The following NAALADL2 variants were observed in gnomAD, a reference collection of about 807,000 sequenced individuals.
The protein encoded by NAALADL2 is N-acetylated alpha-linked acidic dipeptidase like 2, also known as inactive N-acetylated-alpha-linked acidic dipeptidase-like protein 2.
Under a neutral mutation model 87.2 loss-of-function variants are expected in NAALADL2, and 76 were observed. That is an observed-to-expected ratio of 0.87 (90% CI 0.72 to 1.05). The LOEUF is 1.05. Among genes scored for constraint, NAALADL2 ranks in the 50% least tolerant of loss-of-function variants. The probability of loss-of-function intolerance (pLI) is 0.00; values close to 1 mark genes in which losing one functional copy is unlikely to be tolerated. For missense variants in NAALADL2, 1,089 were observed against 945.8 expected, an observed-to-expected ratio of 1.15 and a Z score of -1.99; for synonymous variants, 354 against 331.0, an observed-to-expected ratio of 1.07 and a Z score of -0.75.
chr3:174,914,622 G>C lies in NAALADL2; in HGVS notation c.43+55172G>C, dbSNP rs181349745. Among the ~76,000 whole-genome samples the C allele has an allele frequency of 2.9e-3, 445 of 152,130 alleles. 4 individuals are homozygous for C. Among genetic ancestry groups the C allele is most frequent in the Admixed American group, 0.027 (413 of 15,260 alleles). On this transcript the variant is annotated intron_variant, in intron 1 of 13. Coordinates refer to ENST00000454872, the MANE Select transcript of NAALADL2 (RefSeq NM_207015.3). The stretch of plus-strand genomic sequence containing the variant: ...CAGACATAATCTATCAGTTAGAACA[G>C]GTAGTAAATAAATGTACATTTTCTC...
intron 6 of NAALADL2, among the ~76,000 whole-genome samples, chr3:175,462,017 A>G (rs1462361766): frequency 6.6e-6 from 1 of 152,142 alleles, no homozygotes; most frequent in Non-Finnish European, 1.5e-5. Flanking sequence ...GTATGATACT[A>G]TCATGATGGA....
intron 11 of NAALADL2, among the ~76,000 whole-genome samples, chr3:175,736,137 T>C (rs1399563144): frequency 6.6e-6 from 1 of 152,226 alleles, no homozygotes. Context: ...TTGAGATGTG[T>C]ATGAATGCAT....
chr3:174,768,840 C>T (rs944758023), intron 3 of NAALADL2, among the ~76,000 whole-genome samples: 10 of 151,794 alleles, frequency 6.6e-5, no homozygotes, highest in African/African-American at 2.2e-4. Flanking sequence ...GAAGTGCTTG[C>T]TTGTATCTCT....
Position 175,221,471 on chromosome 3 carries a change from T to G in NAALADL2, c.546-12460T>G, listed in dbSNP as rs113188366. ...GTTATTGGGTATACTTTTCTGTATA[T>G]GTCAAATTGGTCGACTCATCTATTT... On this transcript the variant is annotated intron_variant, in intron 2 of 13. Coordinates refer to ENST00000454872, the MANE Select transcript of NAALADL2 (RefSeq NM_207015.3). 8.6e-3 allele frequency among the ~76,000 whole-genome samples: 1,314 copies of G among 152,242 alleles called. 19 individuals carry two copies. The highest frequency in any genetic ancestry group is 0.03 in the African/African-American group (1,255 of 41,554).
chr3:174,599,932 CAAAT>C (rs943002184), intron 2 of NAALADL2, among the ~76,000 whole-genome samples: 1 of 151,842 alleles, frequency 6.6e-6, no homozygotes, highest in African/African-American at 2.4e-5. Context: ...TTGAAGAAGA[CAAAT>C]AAGGAAAGAA....
At chr3:175,250,550 A>G (rs1748876211) in intron 3 of NAALADL2, among the ~76,000 whole-genome samples, 3 of 152,140 alleles carry the variant, frequency 2.0e-5, no homozygotes, top group Non-Finnish European at 4.4e-5. Flanking sequence ...CAACAAATTG[A>G]TTTGCTGTGT....
At chr3:174,796,724 G>C (rs1718141022) in intron 3 of NAALADL2, among the ~76,000 whole-genome samples, 1 of 151,790 alleles carries the variant, frequency 6.6e-6, no homozygotes, top group African/African-American at 2.4e-5. Context: ...ATTTTCCTTT[G>C]AGCATTTTTG....
At chr3:175,639,318 C>CTTTTTTTTTTTTTTTTTTT (rs756214274) in intron 11 of NAALADL2, among the ~76,000 whole-genome samples, 2 of 108,764 alleles carry the variant, frequency 1.8e-5, no homozygotes, top group African/African-American at 8.3e-5. Context: ...AAGCGTTATT[C>CTTTTTTTTTTTTTTTTTTT]TTTTTTTTTT....
chr3:174,917,128 A>G (rs1412932155), intron 1 of NAALADL2, among the ~76,000 whole-genome samples: 1 of 152,148 alleles, frequency 6.6e-6, no homozygotes, highest in African/African-American at 2.4e-5. Flanking sequence ...TTCCGATTTT[A>G]AAGTGTAAAT....
At chr3:174,683,870 A>G (rs1163809319) in intron 2 of NAALADL2, among the ~76,000 whole-genome samples, 1 of 152,076 alleles carries the variant, frequency 6.6e-6, no homozygotes, top group Admixed American at 6.6e-5. Context: ...TTTCAGAGCT[A>G]CAGAGTGTAT....
chr3:175,423,921 G>A (rs1716321180), intron 5 of NAALADL2, among the ~76,000 whole-genome samples: 1 of 152,246 alleles, frequency 6.6e-6, no homozygotes, highest in Middle Eastern at 3.4e-3. Context: ...ATCCTCTCCA[G>A]CACCTGTTGT....
intron 1 of NAALADL2, among the ~76,000 whole-genome samples, chr3:174,861,615 G>T (rs531339150): frequency 1.3e-5 from 2 of 152,106 alleles, no homozygotes; most frequent in Admixed American, 6.6e-5. Flanking sequence ...TACGTGTTTT[G>T]ACTATGAGGA....
intron 1 of NAALADL2, among the ~76,000 whole-genome samples, chr3:174,991,598 T>A (rs1560450871): frequency 6.6e-6 from 1 of 152,040 alleles, no homozygotes; most frequent in Non-Finnish European, 1.5e-5. Context: ...AACAAAAAGC[T>A]GGAAGACAGA....
At chr3:175,719,992 C>T (rs1742003025) in intron 11 of NAALADL2, among the ~76,000 whole-genome samples, 1 of 152,164 alleles carries the variant, frequency 6.6e-6, no homozygotes, top group South Asian at 2.1e-4. Flanking sequence ...CTAGTCACCT[C>T]TCAAAGACCT....
At chr3:174,705,938 A>C (rs1026200097) in intron 2 of NAALADL2, among the ~76,000 whole-genome samples, 1 of 152,128 alleles carries the variant, frequency 6.6e-6, no homozygotes, top group African/African-American at 2.4e-5. Context: ...CATGATCCCT[A>C]CTTTGGTGTT....
intron 3 of NAALADL2, among the ~76,000 whole-genome samples, chr3:174,808,247 A>G (rs577733006): frequency 2.0e-5 from 3 of 152,234 alleles, no homozygotes; most frequent in South Asian, 2.1e-4. Flanking sequence ...CTTTTTCACA[A>G]TATAAAAATT....
intron 2 of NAALADL2, among the ~76,000 whole-genome samples, chr3:175,223,128 GT>G: frequency 7.1e-6 from 1 of 140,274 alleles, no homozygotes; most frequent in South Asian, 2.3e-4. Context: ...GTGTGTGTGT[GT>G]GTGGTAAGGA....
chr3:175,563,232 T>G (rs1716562465), intron 9 of NAALADL2, among the ~76,000 whole-genome samples: 1 of 152,158 alleles, frequency 6.6e-6, no homozygotes, highest in Admixed American at 6.6e-5. Flanking sequence ...TGCAAAATTG[T>G]CTATCTCATC....
At chr3:174,964,923 T>G (rs1742649798) in intron 1 of NAALADL2, among the ~76,000 whole-genome samples, 2 of 151,764 alleles carry the variant, frequency 1.3e-5, no homozygotes, top group Admixed American at 6.6e-5. Flanking sequence ...AAATATCTAG[T>G]TGGATTGAGC....
Sources: gnomAD v4.1 joint callset for allele counts (sites outside exome capture counted in the v4.1 genomes callset) on GRCh38, gnomAD v4.1.1 for gene constraint, MANE v1.5 for transcripts, NCBI Gene and HGNC (gene_info 2026-07-23, HGNC 2026-07-21) for gene names.